The following OPCML variants were observed in gnomAD, a reference collection of about 807,000 sequenced individuals.
OPCML encodes opioid binding protein/cell adhesion molecule like, also known as opioid-binding protein/cell adhesion molecule.
In OPCML, 13 loss-of-function variants were observed where a neutral mutation model predicts 37.8. That is an observed-to-expected ratio of 0.34 (90% CI 0.22 to 0.55). The LOEUF (loss-of-function observed/expected upper bound fraction) is 0.55. Ranked by LOEUF, OPCML falls within the 20% of genes least tolerant of loss-of-function variation. OPCML has a pLI of 0.91. For synonymous variants in OPCML, 176 were observed against 168.8 expected (o/e 1.04, Z -0.33); for missense variants, 341 against 435.6 (o/e 0.78, Z 1.93).
chr11:132,883,222 G>C (rs1004558886), intron 2 of OPCML, among the ~76,000 whole-genome samples: 1 of 151,514 alleles, frequency 6.6e-6, no homozygotes, highest in Non-Finnish European at 1.5e-5. Flanking sequence ...TAGAGACCAA[G>C]GTGCCTAAGA....
intron 2 of OPCML, among the ~76,000 whole-genome samples, chr11:132,921,122 A>G (rs936868654): frequency 1.3e-5 from 2 of 151,998 alleles, no homozygotes; most frequent in African/African-American, 4.8e-5. Flanking sequence ...GTACTGTGTG[A>G]GGTTGTTTAA....
chr11:133,335,571 A>G (rs1402828719), intron 1 of OPCML, among the ~76,000 whole-genome samples: 2 of 152,130 alleles, frequency 1.3e-5, no homozygotes, highest in Non-Finnish European at 2.9e-5. Flanking sequence ...AGCCTCCCTA[A>G]AATTGTTTTC....
intron 1 of OPCML, among the ~76,000 whole-genome samples, chr11:133,077,829 G>A (rs971101621): frequency 2.6e-5 from 4 of 151,956 alleles, no homozygotes; most frequent in African/African-American, 9.7e-5. Context: ...CCCATCTACC[G>A]GCCACAGAAA....
intron 3 of OPCML, among the ~76,000 whole-genome samples, chr11:132,609,806 C>T (rs964045660): frequency 2.0e-5 from 3 of 152,344 alleles, no homozygotes; most frequent in South Asian, 2.1e-4. Flanking sequence ...ACCTACCTCT[C>T]TTCAATGCCT....
At chr11:133,348,353 A>C (rs1268531709) in intron 1 of OPCML, among the ~76,000 whole-genome samples, 2 of 152,196 alleles carry the variant, frequency 1.3e-5, no homozygotes, top group Non-Finnish European at 2.9e-5. Context: ...CCCAGCACCT[A>C]ATGCAATGTC....
intron 2 of OPCML, among the ~76,000 whole-genome samples, chr11:132,690,773 A>G (rs188902170): frequency 4.3e-4 from 65 of 152,328 alleles, no homozygotes; most frequent in Non-Finnish European, 6.9e-4. Flanking sequence ...GGGTTAATAA[A>G]GCCTAAGAAA....
At chr11:133,366,716 T>A (rs1944548256) in intron 1 of OPCML, among the ~76,000 whole-genome samples, 1 of 152,236 alleles carries the variant, frequency 6.6e-6, no homozygotes, top group Non-Finnish European at 1.5e-5. Context: ...GCTCTCTTGT[T>A]TGTAATATTT....
intron 2 of OPCML, among the ~76,000 whole-genome samples, chr11:132,661,506 C>T (rs1003243204): frequency 1.3e-5 from 2 of 152,172 alleles, no homozygotes; most frequent in African/African-American, 4.8e-5. Flanking sequence ...CTTGAGTGCT[C>T]TTCTAAACTC....
chr11:133,131,409 A>T (rs1337143873), intron 1 of OPCML, among the ~76,000 whole-genome samples: 1 of 152,214 alleles, frequency 6.6e-6, no homozygotes, highest in African/African-American at 2.4e-5. Flanking sequence ...AAATTATTTT[A>T]AAAAGTTCAA....
intron 3 of OPCML, among the ~76,000 whole-genome samples, chr11:132,565,901 C>T (rs559563714): frequency 1.1e-4 from 17 of 152,260 alleles, no homozygotes; most frequent in African/African-American, 2.9e-4. Context: ...AGCATGGTGG[C>T]GGGCGCCTGC....
chr11:132,474,766 T>C (rs1466263880), intron 4 of OPCML, among the ~76,000 whole-genome samples: 1 of 152,168 alleles, frequency 6.6e-6, no homozygotes. Flanking sequence ...TGAACCAGCA[T>C]ATGTTATTGG....
chr11:133,249,445 GC>G (rs1195171784), intron 1 of OPCML, among the ~76,000 whole-genome samples: 1 of 152,064 alleles, frequency 6.6e-6, no homozygotes, highest in Non-Finnish European at 1.5e-5. Flanking sequence ...CTCCAACCAG[GC>G]CCCACCTCCA....
At chr11:132,947,321 T>C (rs1364335257) in intron 1 of OPCML, among the ~76,000 whole-genome samples, 2 of 152,176 alleles carry the variant, frequency 1.3e-5, no homozygotes, top group Admixed American at 1.3e-4. Flanking sequence ...ATATAATAAG[T>C]CTTGCTCTTG....
chr11:132,569,823 C>A lies in OPCML; in HGVS notation c.380-40637G>T, dbSNP rs544066978. Reference sequence around the variant, plus strand: ...AATGGTCTATTGCAATGAAAACAACCAATTTATAATTCTATACCCAGCTTT... The same window carrying A: ...AATGGTCTATTGCAATGAAAACAACAAATTTATAATTCTATACCCAGCTTT... On this transcript the variant is annotated intron_variant, in intron 3 of 7. Transcript: ENST00000524381. Among the ~76,000 whole-genome samples, 130 of 151,746 alleles carry A rather than the reference C, an allele frequency of 8.6e-4. 2 individuals carry two copies. In the South Asian group the frequency reaches 0.025, roughly 30 times the overall value.
intron 2 of OPCML, among the ~76,000 whole-genome samples, chr11:132,766,894 G>A (rs6590658): frequency 0.12 from 18,212 of 152,136 alleles, 1,380 homozygotes; most frequent in African/African-American, 0.21. Flanking sequence ...ATATCCTTTC[G>A]TAATTGTAAG....
At chr11:133,135,156 C>G (rs994827652) in intron 1 of OPCML, among the ~76,000 whole-genome samples, 13 of 152,168 alleles carry the variant, frequency 8.5e-5, no homozygotes, top group Admixed American at 7.2e-4. Flanking sequence ...TAATTAACAA[C>G]GCATGGGCCT....
rs1591543121 is a variant in OPCML at position 132,554,746 on chromosome 11, G to T, written c.380-25560C>A. Among the ~76,000 whole-genome samples the T allele has an allele frequency of 2.0e-5, 3 of 152,036 alleles. No individual in the cohort carries two copies. In the South Asian group the frequency reaches 6.2e-4, roughly 32 times the overall value. ...TAGGAGTTTGCCTAATACAAAGGAG[G>T]ACCCTATGAAGGCTCTTTCCATGTG... On this transcript the variant is annotated intron_variant, in intron 3 of 7. Coordinates refer to ENST00000524381, the MANE Select transcript of OPCML (RefSeq NM_001012393.5).
intron 2 of OPCML, among the ~76,000 whole-genome samples, chr11:132,912,605 C>T (rs1283432854): frequency 1.3e-5 from 2 of 152,184 alleles, no homozygotes; most frequent in Non-Finnish European, 2.9e-5. Context: ...AAAAATATCA[C>T]CAAGACAACC....
chr11:133,268,593 CA>C (rs1005012034), intron 1 of OPCML, among the ~76,000 whole-genome samples: 101 of 152,242 alleles, frequency 6.6e-4, no homozygotes, highest in African/African-American at 2.3e-3. Context: ...GATGTAAAAT[CA>C]GTGTGTTTTC....
Sources: gnomAD v4.1 joint callset for allele counts (sites outside exome capture counted in the v4.1 genomes callset) on GRCh38, gnomAD v4.1.1 for gene constraint, MANE v1.5 for transcripts, NCBI Gene and HGNC (gene_info 2026-07-23, HGNC 2026-07-21) for gene names.